The following ABHD12 variants were observed in gnomAD, a reference collection of about 807,000 sequenced individuals.
The protein encoded by ABHD12 is lysophosphatidylserine lipase ABHD12.
Under a neutral mutation model 58.3 loss-of-function variants are expected in ABHD12, and 43 were observed. The ratio of observed to expected loss-of-function variants is 0.74; its 90% CI spans 0.58 to 0.95. ABHD12 has a LOEUF of 0.95. ABHD12 is among the 40% of genes least tolerant of loss of function. The probability of loss-of-function intolerance (pLI) is 0.00; values close to 1 mark genes in which losing one functional copy is unlikely to be tolerated. For missense variants in ABHD12, 539 were observed against 537.2 expected, an observed-to-expected ratio of 1.00 and a Z score of -0.03; for synonymous variants, 219 against 211.2, an observed-to-expected ratio of 1.04 and a Z score of -0.32.
intron 6 of ABHD12, among the ~76,000 whole-genome samples, chr20:25,311,944 G>T (rs1440308232): frequency 1.3e-5 from 2 of 151,978 alleles, no homozygotes; most frequent in East Asian, 3.9e-4. Context: ...CTGGTTTCAA[G>T]CAATCTGCCC....
chr20:25,380,929 A>G (rs2090014776), intron 1 of ABHD12, among the ~76,000 whole-genome samples: 1 of 152,130 alleles, frequency 6.6e-6, no homozygotes, highest in African/African-American at 2.4e-5. Flanking sequence ...CTCTTTCCAC[A>G]TCTGTCCCCA....
chr20:25,352,766 A>C (rs2089618345), intron 1 of ABHD12, among the ~76,000 whole-genome samples: 1 of 152,180 alleles, frequency 6.6e-6, no homozygotes, highest in South Asian at 2.1e-4. Context: ...CATACAGGCC[A>C]GGCATGGTAG....
At position 25,390,727 on chromosome 20, in the gene ABHD12, C is replaced by T; in HGVS notation, c.-24G>A. ...ATCCCGCGGCCGACAGGGCCAGCCG[C>T]CGACGGCGCCCGCTGGCCTGCGCCG... On this transcript the variant is annotated 5_prime_UTR_variant, in exon 1 of 13. Transcript: ENST00000339157. 7.7e-7 allele frequency: 1 copy of T among 1,293,630 alleles called. No individual in the cohort carries two copies. Among genetic ancestry groups the T allele is most frequent in the Admixed American group, 3.8e-5 (1 of 26,540 alleles). The allele number at this position is 1,293,630 out of a possible 1,614,324, so 80.1% of individuals were successfully genotyped here.
rs62212154 is a variant in ABHD12 at position 25,302,164 on chromosome 20, G to A, written c.1157+55C>T. ...AGCAGCTGCCACCTGCTGCACGTTAGGTGTGAGCCAGTGCTGCCCAGACGA... is the reference window on the plus strand; with the variant it reads ...AGCAGCTGCCACCTGCTGCACGTTAAGTGTGAGCCAGTGCTGCCCAGACGA... On this transcript the variant is annotated intron_variant, in intron 12 of 12. Transcript: ENST00000339157. 250 of 1,610,960 alleles carry A rather than the reference G, an allele frequency of 1.6e-4. 1 individual carries two copies. The highest frequency in any genetic ancestry group is 2.2e-4 in the Middle Eastern group (1 of 4,548).
At chr20:25,320,835 T>TATGC (rs10663857) in intron 3 of ABHD12, among the ~76,000 whole-genome samples, 83,114 of 151,562 alleles carry the variant, frequency 0.55, 23,352 homozygotes, top group Admixed American at 0.62. Flanking sequence ...TAATGTCAAG[T>TATGC]ATGCACCACC....
chr20:25,326,859 C>T (rs773547650), intron 2 of ABHD12, among the ~76,000 whole-genome samples: 9 of 152,316 alleles, frequency 5.9e-5, no homozygotes, highest in Admixed American at 1.3e-4. Context: ...CAAACTAATG[C>T]ATTCCAATTT....
At chr20:25,357,840 G>C (rs574401671) in intron 1 of ABHD12, among the ~76,000 whole-genome samples, 2 of 152,172 alleles carry the variant, frequency 1.3e-5, no homozygotes, top group Admixed American at 1.3e-4. Flanking sequence ...GCAAAACCCT[G>C]CCTCTACAAA....
rs1405238000 is a variant in ABHD12, at chr20:25,337,039, ATTGT to A, written c.316+2184_316+2187del. Reference sequence around the variant, plus strand: ...CACGTTGGGAGGCCAAGGCAGGAGGATTGTTTGAGCCCAGGAGTTTGAGGCCAGC... The same window carrying A: ...CACGTTGGGAGGCCAAGGCAGGAGGATTGAGCCCAGGAGTTTGAGGCCAGC... On this transcript the variant is annotated intron_variant, in intron 2 of 12. Transcript: ENST00000339157. Among the ~76,000 whole-genome samples, 10 of 152,312 alleles carry A rather than the reference ATTGT, an allele frequency of 6.6e-5. No individual in the cohort carries two copies. In the East Asian group the frequency reaches 1.9e-3, roughly 29 times the overall value.
intron 2 of ABHD12, among the ~76,000 whole-genome samples, chr20:25,325,474 G>C (rs567793159): frequency 6.6e-6 from 1 of 152,296 alleles, no homozygotes; most frequent in East Asian, 1.9e-4. Flanking sequence ...GAGGTCACTG[G>C]GTGGATACTA....
rs565317002 is a variant in ABHD12, at chr20:25,369,919, C to T, written c.191+20594G>A. Among the ~76,000 whole-genome samples, 9 of 72,636 alleles carry T rather than the reference C, an allele frequency of 1.2e-4. No homozygotes were observed. The South Asian group carries it at 4.8e-3, about 39-fold the overall frequency. The allele number at this position is 72,636 out of a possible 152,430, so 47.7% of individuals were successfully genotyped here. ...GCACAGCAAGACCCTGTTTCTCTGTCTCTGTTATAAAAAAAAAAAAAAAAA... is the reference window on the plus strand; with the variant it reads ...GCACAGCAAGACCCTGTTTCTCTGTTTCTGTTATAAAAAAAAAAAAAAAAA... On this transcript the variant is annotated intron_variant, in intron 1 of 12. Transcript: ENST00000339157.
intron 11 of ABHD12, 65 bp downstream of exon 11, chr20:25,303,485 G>T: frequency 6.3e-7 from 1 of 1,597,514 alleles, no homozygotes. Flanking sequence ...CTCCCAGCCT[G>T]GTCCACCCAC....
intron 4 of ABHD12, among the ~76,000 whole-genome samples, chr20:25,318,911 C>T (rs1042200005): frequency 6.6e-6 from 1 of 152,194 alleles, no homozygotes; most frequent in Non-Finnish European, 1.5e-5. Flanking sequence ...CGGGCCATGC[C>T]GCCAGGCTCT....
downstream of ABHD12, chr20:25,297,201 A>C (rs1188117028): frequency 6.6e-6 from 1 of 152,438 alleles, no homozygotes; most frequent in African/African-American, 2.4e-5. Flanking sequence ...GGGACACTGG[A>C]GTGGGTGCTT....
intron 1 of ABHD12, among the ~76,000 whole-genome samples, chr20:25,351,009 A>ACACACC (rs1174578415): frequency 1.5e-5 from 2 of 130,432 alleles, no homozygotes; most frequent in Non-Finnish European, 3.3e-5. Flanking sequence ...ACACACACAC[A>ACACACC]CCCTTATTAA....
chr20:25,339,970 C>A (rs1218729026), intron 1 of ABHD12, among the ~76,000 whole-genome samples: 1 of 152,206 alleles, frequency 6.6e-6, no homozygotes, highest in Non-Finnish European at 1.5e-5. Context: ...GGTCTCATGA[C>A]CCTCTTCTAA....
At chr20:25,322,905 T>C (rs1403614095) in intron 3 of ABHD12, among the ~76,000 whole-genome samples, 2 of 151,908 alleles carry the variant, frequency 1.3e-5, no homozygotes, top group Non-Finnish European at 2.9e-5. Flanking sequence ...GTATTTTTAG[T>C]AGAGATGGGG....
At chr20:25,389,401 C>A (rs188325409) in intron 1 of ABHD12, among the ~76,000 whole-genome samples, 6 of 152,188 alleles carry the variant, frequency 3.9e-5, no homozygotes, top group Admixed American at 2.6e-4. Context: ...TCCTTAGGAG[C>A]GATACGCATA....
intron 12 of ABHD12, chr20:25,295,126 T>G: frequency 7.6e-7 from 1 of 1,310,562 alleles, no homozygotes; most frequent in Non-Finnish European, 1.1e-6. Context: ...TGTAGATTCA[T>G]AAATCTGGCA....
chr20:25,390,367 G>T, intron 1 of ABHD12, 146 bp downstream of exon 1: 1 of 835,822 alleles, frequency 1.2e-6, no homozygotes, highest in Non-Finnish European at 1.6e-6. Context: ...CCAAATGCGG[G>T]ACACAGGCGC....
Sources: allele counts gnomAD v4.1 joint callset (sites outside exome capture counted in the v4.1 genomes callset), GRCh38; gene constraint gnomAD v4.1.1; transcripts MANE v1.5; gene names NCBI Gene and HGNC (gene_info 2026-07-23, HGNC 2026-07-21).